Variants in NUMB observed in about 807,000 individuals in gnomAD.
NUMB encodes the protein protein numb homolog.
Under a neutral mutation model 59.7 loss-of-function variants are expected in NUMB, and 29 were observed. That is an observed-to-expected ratio of 0.49 (90% CI 0.36 to 0.66). The LOEUF (loss-of-function observed/expected upper bound fraction) is 0.66. Among genes scored for constraint, NUMB ranks in the 30% least tolerant of loss-of-function variants. The pLI, the probability that NUMB is intolerant of heterozygous loss-of-function variation, is 0.00. For synonymous variants in NUMB, 288 were observed against 288.2 expected, an observed-to-expected ratio of 1.00 and a Z score of 0.01; for missense variants, 723 against 822.0, an observed-to-expected ratio of 0.88 and a Z score of 1.47.
rs777193928 is a variant in NUMB at position 73,396,531 on chromosome 14, T to TG, written c.-101+13405_-101+13406insC. Among the ~76,000 whole-genome samples the TG allele has an allele frequency of 7.3e-3, 412 of 56,348 alleles. 4 individuals carry two copies. Among genetic ancestry groups the TG allele is most frequent in the Middle Eastern group, 0.013 (2 of 152 alleles). The allele number at this position is 56,348 out of a possible 152,430, so 37.0% of individuals were successfully genotyped here. A position where few individuals can be genotyped will look rare whatever the true frequency, so the allele number is the denominator to read the frequency against. On this transcript the variant is annotated intron_variant, in intron 2 of 12. Transcript: ENST00000555238. ...CCTGGCTAGTTTTTTTGTGTATTTTTTTTGTTGTTTTTTTGTTTTGGAGAA... is the reference window on the plus strand; with the variant it reads ...CCTGGCTAGTTTTTTTGTGTATTTTTGTTTGTTGTTTTTTTGTTTTGGAGAA...
chr14:73,301,032 T>A (rs765277421), intron 6 of NUMB, among the ~76,000 whole-genome samples: 13 of 152,260 alleles, frequency 8.5e-5, no homozygotes, highest in South Asian at 2.1e-4. Context: ...TTTAGTATTT[T>A]GCTGGAAGGT....
intron 4 of NUMB, among the ~76,000 whole-genome samples, chr14:73,332,303 G>A (rs187047342): frequency 3.2e-4 from 49 of 151,754 alleles, no homozygotes; most frequent in Non-Finnish European, 5.9e-4. Context: ...GCCCTGGCTG[G>A]AGTTCAGTGG....
chr14:73,391,349 T>A (rs1895843694), intron 2 of NUMB, among the ~76,000 whole-genome samples: 1 of 150,916 alleles, frequency 6.6e-6, no homozygotes. Flanking sequence ...CAGATAATAA[T>A]CTTGCAAAAA....
At chr14:73,346,569 T>C (rs1263168701) in intron 4 of NUMB, among the ~76,000 whole-genome samples, 4 of 152,154 alleles carry the variant, frequency 2.6e-5, no homozygotes, top group Non-Finnish European at 4.4e-5. Context: ...ATCATTACTG[T>C]TACCAATTAT....
chr14:73,372,319 A>AACCTTT (rs1281216891), intron 2 of NUMB, among the ~76,000 whole-genome samples: 1 of 107,782 alleles, frequency 9.3e-6, no homozygotes, highest in Non-Finnish European at 1.9e-5. Flanking sequence ...ATATATATAT[A>AACCTTT]TATATATATA....
chr14:73,385,604 C>T (rs1895476328), intron 2 of NUMB, among the ~76,000 whole-genome samples: 2 of 146,006 alleles, frequency 1.4e-5, no homozygotes, highest in African/African-American at 2.6e-5. Flanking sequence ...CAGGTTCAAG[C>T]GATTCTTGTA....
At chr14:73,424,772 C>T (rs899228480) in intron 1 of NUMB, among the ~76,000 whole-genome samples, 1 of 152,206 alleles carries the variant, frequency 6.6e-6, no homozygotes, top group African/African-American at 2.4e-5. Context: ...CTCATCTCTC[C>T]ACTAATTCAA....
intron 2 of NUMB, among the ~76,000 whole-genome samples, chr14:73,399,830 G>A (rs143326867): frequency 1.2e-3 from 182 of 152,220 alleles, no homozygotes; most frequent in Non-Finnish European, 2.3e-3. Context: ...GATCACTTGA[G>A]GTCAGGAGTT....
intron 1 of NUMB, among the ~76,000 whole-genome samples, chr14:73,423,014 CATT>C: frequency 6.6e-6 from 1 of 151,632 alleles, no homozygotes. Context: ...AGACAGATGT[CATT>C]ATTCTTTTCA....
chr14:73,317,584 G>C (rs1891156650), intron 5 of NUMB, among the ~76,000 whole-genome samples: 1 of 152,134 alleles, frequency 6.6e-6, no homozygotes, highest in South Asian at 2.1e-4. Flanking sequence ...TTACAGACAT[G>C]GGCCACTGCG....
chr14:73,378,241 C>G (rs571544768), intron 2 of NUMB, among the ~76,000 whole-genome samples: 1 of 152,178 alleles, frequency 6.6e-6, no homozygotes, highest in Non-Finnish European at 1.5e-5. Context: ...ATCCAAAACA[C>G]TGACCACACC....
intron 8 of NUMB, among the ~76,000 whole-genome samples, chr14:73,289,634 A>AT (rs1008862789): frequency 1.3e-5 from 2 of 152,174 alleles, no homozygotes; most frequent in African/African-American, 4.8e-5. Flanking sequence ...TGTCCCTAAG[A>AT]TTTTACTACC....
intron 4 of NUMB, among the ~76,000 whole-genome samples, chr14:73,332,624 T>A (rs1172312162): frequency 7.5e-6 from 1 of 133,336 alleles, no homozygotes; most frequent in Non-Finnish European, 1.6e-5. Context: ...TGCTTTCAAT[T>A]CCCTTTTAAT....
intron 1 of NUMB, among the ~76,000 whole-genome samples, chr14:73,445,999 CTTT>C (rs746539232): frequency 4.3e-5 from 6 of 139,832 alleles, no homozygotes; most frequent in South Asian, 2.2e-4. Flanking sequence ...ATAACTTTTT[CTTT>C]TTTTTTTTTT....
At chr14:73,320,946 A>G (rs2139918057) in intron 5 of NUMB, among the ~76,000 whole-genome samples, 1 of 151,828 alleles carries the variant, frequency 6.6e-6, no homozygotes, top group East Asian at 1.9e-4. Flanking sequence ...AATAGTGGCT[A>G]TCTCTGGGGT....
chr14:73,391,269 A>T (rs952215154), intron 2 of NUMB, among the ~76,000 whole-genome samples: 3 of 150,604 alleles, frequency 2.0e-5, no homozygotes, highest in African/African-American at 7.3e-5. Flanking sequence ...AATCCTTTTC[A>T]GTGGATTTTT....
At chr14:73,352,528 A>ATATATAT (rs1566756459) in intron 4 of NUMB, among the ~76,000 whole-genome samples, 3 of 11,690 alleles carry the variant, frequency 2.6e-4, no homozygotes, top group Non-Finnish European at 4.3e-4. Flanking sequence ...ATATATATAT[A>ATATATAT]TGTTTTTTTT....
At chr14:73,308,831 T>C (rs968747246) in intron 6 of NUMB, among the ~76,000 whole-genome samples, 2 of 152,080 alleles carry the variant, frequency 1.3e-5, no homozygotes, top group African/African-American at 4.8e-5. Flanking sequence ...GAGTGAGAGA[T>C]GGGCTATGTG....
At chr14:73,323,047 G>T (rs1891487999) in intron 5 of NUMB, 83 bp downstream of exon 5, 4 of 981,826 alleles carry the variant, frequency 4.1e-6, no homozygotes, top group Admixed American at 4.3e-5. Context: ...GTTTTTACTG[G>T]GTCACTAAAA....
Sources: gnomAD v4.1 joint callset for allele counts (sites outside exome capture counted in the v4.1 genomes callset) on GRCh38, gnomAD v4.1.1 for gene constraint, MANE v1.5 for transcripts, NCBI Gene and HGNC (gene_info 2026-07-23, HGNC 2026-07-21) for gene names.